Variants in EVI5 observed in about 807,000 individuals in gnomAD.
The protein encoded by EVI5 is ecotropic viral integration site 5 protein homolog.
A neutral mutation model predicts 112.0 loss-of-function variants in EVI5; 73 were observed. That is an observed-to-expected ratio of 0.65 (90% confidence interval 0.54 to 0.79). EVI5 has a LOEUF of 0.79. Among genes scored for constraint, EVI5 ranks in the 30% least tolerant of loss-of-function variants. EVI5 has a pLI of 0.00. For missense variants in EVI5, 900 were observed against 968.8 expected (o/e 0.93, Z 0.94); for synonymous variants, 305 against 319.9 (o/e 0.95, Z 0.50).
At chr1:92,756,206 T>C (rs1238468604) in intron 1 of EVI5, 9 of 412,974 alleles carry the variant, frequency 2.2e-5, no homozygotes, top group Non-Finnish European at 4.4e-5. Flanking sequence ...CTCTTATCAT[T>C]AGAAACCTAT....
chr1:92,596,312 A>C (rs934169476), intron 18 of EVI5, among the ~76,000 whole-genome samples: 2 of 152,198 alleles, frequency 1.3e-5, no homozygotes, highest in African/African-American at 4.8e-5. Context: ...ATGAGCCGTG[A>C]CTGCGCCACC....
chr1:92,765,731 T>C (rs989879684), intron 1 of EVI5, among the ~76,000 whole-genome samples: 1 of 152,090 alleles, frequency 6.6e-6, no homozygotes, highest in African/African-American at 2.4e-5. Context: ...ATGAACCACT[T>C]TGCTGTATTA....
Position 92,636,193 on chromosome 1 carries a change from G to T in EVI5, c.1527+9C>A. 1 of 1,606,808 alleles carries T rather than the reference G, an allele frequency of 6.2e-7. No homozygotes were observed. Among genetic ancestry groups the T allele is most frequent in the African/African-American group, 1.3e-5 (1 of 74,764 alleles). ...TTTGGGAATGACTGCATTTGTGTAGGTTTCTTACCTTCTCTATATCCAAGA... is the reference window on the plus strand; with the variant it reads ...TTTGGGAATGACTGCATTTGTGTAGTTTTCTTACCTTCTCTATATCCAAGA... On this transcript the variant is annotated intron_variant, in intron 14 of 19. Coordinates refer to ENST00000684568, the MANE Select transcript of EVI5 (RefSeq NM_001350197.2).
chr1:92,766,757 T>C (rs1347447152), intron 1 of EVI5, among the ~76,000 whole-genome samples: 1 of 152,196 alleles, frequency 6.6e-6, no homozygotes, highest in Non-Finnish European at 1.5e-5. Flanking sequence ...GGTCCAAAAA[T>C]ATTACATGGA....
intron 14 of EVI5, among the ~76,000 whole-genome samples, chr1:92,635,119 C>T (rs879167496): frequency 6.6e-6 from 1 of 152,182 alleles, no homozygotes; most frequent in Admixed American, 6.5e-5. Flanking sequence ...TTAGGCTACT[C>T]GGGGGTCAGG....
intron 1 of EVI5, among the ~76,000 whole-genome samples, chr1:92,777,522 G>T (rs74418487): frequency 2.0e-5 from 3 of 152,104 alleles, no homozygotes; most frequent in Admixed American, 6.6e-5. Flanking sequence ...CTTCTAAAAA[G>T]AATTTTGAGA....
intron 18 of EVI5, among the ~76,000 whole-genome samples, chr1:92,565,901 C>A (rs1048090457): frequency 8.2e-6 from 1 of 122,250 alleles, no homozygotes. Flanking sequence ...ACCTGGGAGG[C>A]GCAGGTTGCA....
intron 19 of EVI5, among the ~76,000 whole-genome samples, chr1:92,518,691 C>T (rs1471987718): frequency 6.6e-6 from 1 of 150,994 alleles, no homozygotes; most frequent in Non-Finnish European, 1.5e-5. Flanking sequence ...GTAAATTTCT[C>T]TTACCTGAAA....
At chr1:92,598,664 A>G (rs1648470677) in intron 18 of EVI5, among the ~76,000 whole-genome samples, 1 of 152,212 alleles carries the variant, frequency 6.6e-6, no homozygotes, top group African/African-American at 2.4e-5. Context: ...CCTTAATTTT[A>G]CAGGTTGTAT....
upstream of EVI5, chr1:92,785,230 G>T: frequency 2.8e-6 from 1 of 351,488 alleles, no homozygotes; most frequent in Non-Finnish European, 4.0e-6. Context: ...ATTGGACGGA[G>T]TGCAGAGGAG....
At chr1:92,672,051 C>T (rs991836390) in intron 10 of EVI5, among the ~76,000 whole-genome samples, 2 of 152,052 alleles carry the variant, frequency 1.3e-5, no homozygotes, top group Non-Finnish European at 2.9e-5. Flanking sequence ...GGAATCCGCC[C>T]ACCTTGGCCT....
chr1:92,726,457 T>C (rs1675585206), intron 2 of EVI5, among the ~76,000 whole-genome samples: 1 of 152,132 alleles, frequency 6.6e-6, no homozygotes, highest in South Asian at 2.1e-4. Flanking sequence ...TAGAATTCTA[T>C]AGTCAAAGAA....
At chr1:92,634,022 G>A (rs535757124) in intron 14 of EVI5, among the ~76,000 whole-genome samples, 26 of 152,306 alleles carry the variant, frequency 1.7e-4, no homozygotes, top group African/African-American at 6.0e-4. Flanking sequence ...ACTCTCTTCT[G>A]GCTTGTAGTT....
chr1:92,534,140 GACAA>G (rs1663390434), intron 19 of EVI5, among the ~76,000 whole-genome samples: 2 of 152,068 alleles, frequency 1.3e-5, no homozygotes, highest in Admixed American at 6.6e-5. Context: ...ACCAATAACA[GACAA>G]ACAGAGAGCC....
At chr1:92,763,516 G>C (rs1290112600) in intron 1 of EVI5, among the ~76,000 whole-genome samples, 1 of 152,116 alleles carries the variant, frequency 6.6e-6, no homozygotes, top group African/African-American at 2.4e-5. Context: ...TTGGGAGGCT[G>C]ACGCAGGAGA....
chr1:92,722,520 G>A (rs564907300), intron 2 of EVI5, among the ~76,000 whole-genome samples: 1 of 134,636 alleles, frequency 7.4e-6, no homozygotes, highest in East Asian at 2.2e-4. Context: ...CTGTGTCCAT[G>A]TGTTCTCACT....
chr1:92,764,305 T>C (rs1452837839), intron 1 of EVI5, among the ~76,000 whole-genome samples: 4 of 152,216 alleles, frequency 2.6e-5, no homozygotes, highest in African/African-American at 9.6e-5. Flanking sequence ...GATATTTTTG[T>C]GTTATCTGAT....
chr1:92,511,265 A>G lies in EVI5; in HGVS notation c.*2391T>C, dbSNP rs1326238342. 6.6e-6 allele frequency: 1 copy of G among 152,144 alleles called. No homozygotes were observed. Among genetic ancestry groups the G allele is most frequent in the East Asian group, 1.9e-4 (1 of 5,202 alleles). 9.4% of individuals were successfully genotyped at this position (152,144 alleles called of 1,614,324 possible). On this transcript the variant is annotated 3_prime_UTR_variant, in exon 20 of 20. Coordinates refer to ENST00000684568, the MANE Select transcript of EVI5 (RefSeq NM_001350197.2). Reference sequence around the variant, plus strand: ...GAAGTTTGAGATCAGCCTGGCCAACATAGCGAAACCCCATCTCTACTAAAA... The same window carrying G: ...GAAGTTTGAGATCAGCCTGGCCAACGTAGCGAAACCCCATCTCTACTAAAA...
At chr1:92,791,914 G>A (rs927562305) in intron 1 of EVI5, among the ~76,000 whole-genome samples, 9 of 152,214 alleles carry the variant, frequency 5.9e-5, no homozygotes, top group African/African-American at 2.2e-4. Context: ...ACCAAATAGA[G>A]TTTGTGAACA....
Sources: gnomAD v4.1 joint callset for allele counts (sites outside exome capture counted in the v4.1 genomes callset) on GRCh38, gnomAD v4.1.1 for gene constraint, MANE v1.5 for transcripts, NCBI Gene and HGNC (gene_info 2026-07-23, HGNC 2026-07-21) for gene names.